Variants in HNF1B observed in about 807,000 individuals in gnomAD.
The protein encoded by HNF1B is hepatocyte nuclear factor 1-beta.
Under a neutral mutation model 61.7 loss-of-function variants are expected in HNF1B, and 8 were observed. That is an observed-to-expected ratio of 0.13 (90% CI 0.08 to 0.23). HNF1B has a LOEUF of 0.23. HNF1B is among the 10% of genes least tolerant of loss of function. The pLI is 1.00. For missense variants in HNF1B, 562 were observed against 714.5 expected, an observed-to-expected ratio of 0.79 and a Z score of 2.43; for synonymous variants, 314 against 287.7, an observed-to-expected ratio of 1.09 and a Z score of -0.93.
At chr17:37,739,712 G>T in intron 1 of HNF1B, 73 bp from the exon 2 acceptor site, 1 of 1,324,622 alleles carries the variant, frequency 7.5e-7, no homozygotes, top group Non-Finnish European at 1.1e-6. Context: ...TCTAGGGGGT[G>T]CTACCTATGG....
chr17:37,713,370 C>T (rs558516953), intron 4 of HNF1B, among the ~76,000 whole-genome samples: 1 of 152,298 alleles, frequency 6.6e-6, no homozygotes, highest in African/African-American at 2.4e-5. Flanking sequence ...AAATAATTAA[C>T]CAAGGATTTC....
chr17:37,719,675 G>GGT (rs1448152450), intron 4 of HNF1B, among the ~76,000 whole-genome samples: 1 of 152,196 alleles, frequency 6.6e-6, no homozygotes, highest in African/African-American at 2.4e-5. Context: ...GCTCCCAGTG[G>GGT]GTCTGGGCAA....
In HNF1B at chr17:37,737,791, C is replaced by T. The variant is rs183353634; in HGVS notation, c.544+1649G>A. On this transcript the variant is annotated intron_variant, in intron 2 of 8. Coordinates refer to ENST00000617811, the MANE Select transcript of HNF1B (RefSeq NM_000458.4). ...CGGAGCTTGCAGTGAGCCAAGATCGCGCCACTGCACTCCAGTCTGGGTGGC... is the reference window on the plus strand; with the variant it reads ...CGGAGCTTGCAGTGAGCCAAGATCGTGCCACTGCACTCCAGTCTGGGTGGC... Among the ~76,000 whole-genome samples, 13 of 152,002 alleles carry T rather than the reference C, an allele frequency of 8.6e-5. No individual in the cohort carries two copies. The East Asian group carries it at 1.5e-3, about 18-fold the overall frequency.
chr17:37,704,975 G>C lies in HNF1B; in HGVS notation c.1281C>G (p.Pro427=). Residue 427 remains proline (P), a synonymous_variant, in exon 6 of 9, where the codon CCC becomes CCG. Transcript: ENST00000617811. ...TCATGATGAGGTTTTGAGATTGCTGGGGATTATGGTGGGAGAGGCTGTGGA... is the reference window on the plus strand; with the variant it reads ...TCATGATGAGGTTTTGAGATTGCTGCGGATTATGGTGGGAGAGGCTGTGGA... ...TNIHSLSHHN[P]QQSQNLIMTP... The C allele has an allele frequency of 6.2e-7, 1 of 1,614,098 alleles. No homozygotes were observed. The highest frequency in any genetic ancestry group is 8.5e-7 in the Non-Finnish European group (1 of 1,179,994).
chr17:37,737,897 G>A lies in HNF1B; in HGVS notation c.544+1543C>T, dbSNP rs116816554. Among the ~76,000 whole-genome samples the A allele has an allele frequency of 3.8e-3, 584 of 152,302 alleles. 3 individuals are homozygous for A. Among genetic ancestry groups the A allele is most frequent in the African/African-American group, 0.012 (503 of 41,556 alleles). ...ATAACAATAACAACAATCTCTTGAA[G>A]AGGCTGTTGTATTTGTAAAACGTCC... On this transcript the variant is annotated intron_variant, in intron 2 of 8. Coordinates refer to ENST00000617811, the MANE Select transcript of HNF1B (RefSeq NM_000458.4).
intron 8 of HNF1B, among the ~76,000 whole-genome samples, chr17:37,693,205 A>G (rs1048548579): frequency 4.6e-5 from 7 of 151,582 alleles, no homozygotes; most frequent in Non-Finnish European, 7.4e-5. Context: ...AAAAAAAAAA[A>G]AAAAAAAAGA....
At chr17:37,743,908 C>T (rs2034080534) in intron 1 of HNF1B, among the ~76,000 whole-genome samples, 1 of 152,256 alleles carries the variant, frequency 6.6e-6, no homozygotes, top group Non-Finnish European at 1.5e-5. Context: ...GCGTGTCCAC[C>T]CGGACCCTGC....
Position 37,731,679 on chromosome 17 carries a change from T to G in HNF1B, c.961A>C (p.Asn321His). ...QKLAMDAYSS[N>H]QTHSLNPLLS... The stretch of plus-strand genomic sequence containing the variant: ...AGAGGGTTCAGGCTGTGAGTCTGGT[T>G]GGAGCTATAGGCGTCCATGGCCAGC... The change falls in exon 4 of 9, where the codon AAC becomes CAC. Residue 321 changes from asparagine (N) to histidine (H), a missense_variant. Around this residue, in one of 6 missense-constraint regions of HNF1B, gnomAD observed 211 missense variants for 200.7 expected, o/e 1.05. Transcript: ENST00000617811. 6.2e-7 allele frequency: 1 copy of G among 1,614,136 alleles called. No individual in the cohort carries two copies. The highest frequency in any genetic ancestry group is 8.5e-7 in the Non-Finnish European group (1 of 1,180,012).
At chr17:37,734,869 A>G (rs1459951426) in intron 2 of HNF1B, among the ~76,000 whole-genome samples, 1 of 147,614 alleles carries the variant, frequency 6.8e-6, no homozygotes, top group African/African-American at 2.5e-5. Flanking sequence ...GCTCACTACA[A>G]TCTCCGCCTC....
intron 8 of HNF1B, among the ~76,000 whole-genome samples, chr17:37,691,483 C>T (rs2032202274): frequency 6.6e-6 from 1 of 152,102 alleles, no homozygotes; most frequent in South Asian, 2.1e-4. Context: ...GAAATAAATG[C>T]CCTTTGCCAC....
intron 4 of HNF1B, among the ~76,000 whole-genome samples, chr17:37,717,574 G>T (rs1278440563): frequency 6.6e-6 from 1 of 152,180 alleles, no homozygotes; most frequent in Admixed American, 6.5e-5. Context: ...GGAGATGACA[G>T]GGAGAGACTG....
intron 4 of HNF1B, chr17:37,720,942 C>T: frequency 1.0e-6 from 1 of 985,410 alleles, no homozygotes; most frequent in South Asian, 4.7e-5. Context: ...ATCCATAAAA[C>T]ACCTTGAGAT....
intron 5 of HNF1B, among the ~76,000 whole-genome samples, chr17:37,706,581 G>A (rs977198780): frequency 6.6e-6 from 1 of 151,350 alleles, no homozygotes; most frequent in Non-Finnish European, 1.5e-5. Flanking sequence ...ATCAAGAAAT[G>A]TTAGGGGGTC....
At chr17:37,698,386 G>A (rs1444252284) in intron 8 of HNF1B, among the ~76,000 whole-genome samples, 1 of 152,156 alleles carries the variant, frequency 6.6e-6, no homozygotes, top group Non-Finnish European at 1.5e-5. Flanking sequence ...GCCATCAGCT[G>A]CCTGTCTACT....
At chr17:37,709,037 G>A (rs973270985) in intron 5 of HNF1B, among the ~76,000 whole-genome samples, 8 of 152,082 alleles carry the variant, frequency 5.3e-5, no homozygotes, top group Admixed American at 3.3e-4. Context: ...GGGAATGTGT[G>A]CAGCTCCACC....
chr17:37,744,580 T>G lies in HNF1B; in HGVS notation c.305A>C (p.Glu102Ala), dbSNP rs982165538. The G allele has an allele frequency of 1.2e-6, 2 of 1,606,714 alleles. No homozygotes were observed. Among genetic ancestry groups the G allele is most frequent in the African/African-American group, 2.7e-5 (2 of 74,938 alleles). The stretch of plus-strand genomic sequence containing the variant: ...CACCTCCGCCCGCTGCTCCGCCGCC[T>G]CCTCGGTGTTGAGCGCCTGCAGCTC... ...LKELQALNTEEAAEQRAEVDR... is the reference protein window; with the variant it reads ...LKELQALNTEAAAEQRAEVDR... Residue 102 changes from glutamate (E) to alanine (A), a missense_variant, in exon 1 of 9, where the codon GAG becomes GCG. Physicochemically the swap from Glu to Ala is moderately radical, Grantham distance 107. Coordinates refer to ENST00000617811, the MANE Select transcript of HNF1B (RefSeq NM_000458.4).
intron 8 of HNF1B, among the ~76,000 whole-genome samples, chr17:37,698,231 G>C (rs1480214079): frequency 1.3e-5 from 2 of 152,076 alleles, no homozygotes; most frequent in Non-Finnish European, 2.9e-5. Flanking sequence ...AGGCCAAACA[G>C]TTCCCACACT....
At chr17:37,728,030 G>A (rs2033560375) in intron 4 of HNF1B, among the ~76,000 whole-genome samples, 1 of 151,648 alleles carries the variant, frequency 6.6e-6, no homozygotes, top group Non-Finnish European at 1.5e-5. Flanking sequence ...TTGCTCTGTT[G>A]CTCAGGTTGG....
chr17:37,720,677 G>T, intron 4 of HNF1B: 2 of 473,844 alleles, frequency 4.2e-6, no homozygotes, highest in Non-Finnish European at 5.5e-6. Context: ...TATATGGAGT[G>T]TCTACCATGT....
Sources: allele counts gnomAD v4.1 joint callset (sites outside exome capture counted in the v4.1 genomes callset), GRCh38; gene constraint gnomAD v4.1.1; regional missense constraint gnomAD v4.1.1; transcripts MANE v1.5; gene names NCBI Gene and HGNC (gene_info 2026-07-23, HGNC 2026-07-21).